Variants in ITGBL1 observed in about 807,000 individuals in gnomAD.
ITGBL1 encodes the protein integrin subunit beta like 1, also known as integrin beta-like protein 1.
In ITGBL1, 51 loss-of-function variants were observed where a neutral mutation model predicts 68.5. That is an observed-to-expected ratio of 0.74 (90% confidence interval 0.59 to 0.94). ITGBL1 has a LOEUF of 0.94. Among genes scored for constraint, ITGBL1 ranks in the 40% least tolerant of loss-of-function variants. The probability of loss-of-function intolerance (pLI) is 0.00; values close to 1 mark genes in which losing one functional copy is unlikely to be tolerated. For synonymous variants in ITGBL1, 209 were observed against 227.3 expected (o/e 0.92, Z 0.72); for missense variants, 649 against 647.4 (o/e 1.00, Z -0.03).
chr13:101,698,208 G>A (rs2034046955), intron 8 of ITGBL1, among the ~76,000 whole-genome samples: 2 of 152,160 alleles, frequency 1.3e-5, no homozygotes. Flanking sequence ...TGGCCAGAGA[G>A]TAAAATATGG....
intron 7 of ITGBL1, among the ~76,000 whole-genome samples, chr13:101,658,365 G>A (rs949659535): frequency 2.0e-4 from 30 of 152,128 alleles, no homozygotes; most frequent in African/African-American, 7.0e-4. Context: ...AAGAAAATCA[G>A]TTGAAACATT....
At chr13:101,535,357 G>A (rs2049554911) in intron 2 of ITGBL1, among the ~76,000 whole-genome samples, 1 of 152,074 alleles carries the variant, frequency 6.6e-6, no homozygotes, top group Non-Finnish European at 1.5e-5. Flanking sequence ...AGAGCTCCAG[G>A]AGGCTGTGTT....
At chr13:101,502,023 A>C (rs1424638428) in intron 2 of ITGBL1, among the ~76,000 whole-genome samples, 1 of 152,164 alleles carries the variant, frequency 6.6e-6, no homozygotes, top group Non-Finnish European at 1.5e-5. Flanking sequence ...CGTTGAAAGA[A>C]AGTGGGATAC....
At position 101,635,151 on chromosome 13, in the gene ITGBL1, C is replaced by T. The variant is rs545819759; in HGVS notation, c.1015+36852C>T. Among the ~76,000 whole-genome samples the T allele has an allele frequency of 3.9e-5, 6 of 151,926 alleles. No individual in the cohort carries two copies. In the East Asian group the frequency reaches 1.2e-3, roughly 29 times the overall value. On this transcript the variant is annotated intron_variant, in intron 7 of 10. Transcript: ENST00000376180. ...GAAGGTTTCGTATCATTCATACAGACTTTTAGAAAAAAAAATTGGTTCCCT... is the reference window on the plus strand; with the variant it reads ...GAAGGTTTCGTATCATTCATACAGATTTTTAGAAAAAAAAATTGGTTCCCT...
At chr13:101,583,172 G>C in intron 5 of ITGBL1, 44 bp from the exon 6 acceptor site, 6 of 1,590,202 alleles carry the variant, frequency 3.8e-6, no homozygotes, top group Non-Finnish European at 5.2e-6. Context: ...TTCTTTCATG[G>C]TTTTTCTTGA....
chr13:101,656,868 T>C (rs1417981837), intron 7 of ITGBL1, among the ~76,000 whole-genome samples: 23 of 152,268 alleles, frequency 1.5e-4, no homozygotes, highest in Admixed American at 1.3e-3. Flanking sequence ...CTTAAATATA[T>C]AGTCAGGCTC....
At chr13:101,707,626 G>A (rs2034290963) in intron 9 of ITGBL1, among the ~76,000 whole-genome samples, 2 of 152,092 alleles carry the variant, frequency 1.3e-5, no homozygotes, top group South Asian at 4.2e-4. Flanking sequence ...GATCACTTGA[G>A]GTCAGGAGTT....
intron 6 of ITGBL1, among the ~76,000 whole-genome samples, chr13:101,596,476 A>G (rs931771331): frequency 2.0e-5 from 3 of 152,182 alleles, no homozygotes; most frequent in African/African-American, 7.2e-5. Context: ...GGTGATGGAT[A>G]TGTTTATTAT....
At chr13:101,537,313 G>C (rs990026361) in intron 2 of ITGBL1, among the ~76,000 whole-genome samples, 8 of 151,922 alleles carry the variant, frequency 5.3e-5, no homozygotes, top group Admixed American at 5.3e-4. Context: ...ACAAATTTTG[G>C]TCAAGTAACT....
intron 7 of ITGBL1, among the ~76,000 whole-genome samples, chr13:101,608,388 T>C (rs2030973577): frequency 6.6e-6 from 1 of 151,970 alleles, no homozygotes; most frequent in Non-Finnish European, 1.5e-5. Flanking sequence ...TTTTTTCTTT[T>C]TGACCTGTGT....
chr13:101,521,817 C>T (rs1490776792), intron 2 of ITGBL1, among the ~76,000 whole-genome samples: 2 of 152,078 alleles, frequency 1.3e-5, no homozygotes, highest in Non-Finnish European at 2.9e-5. Flanking sequence ...CTTTCTTTTT[C>T]CTTACCTTTC....
intron 7 of ITGBL1, 49 bp downstream of exon 7, chr13:101,598,348 A>T: frequency 7.4e-7 from 1 of 1,355,608 alleles, no homozygotes; most frequent in South Asian, 1.8e-5. Context: ...TCACAATTCA[A>T]ATGAATTCAA....
chr13:101,558,222 A>G lies in ITGBL1; in HGVS notation c.317-9477A>G, dbSNP rs189292821. ...AAGATTTCTGATACAGCAGAAAATC[A>G]GATATTGCATGTTCTCACTTACAAG... On this transcript the variant is annotated intron_variant, in intron 2 of 10. Coordinates refer to ENST00000376180, the MANE Select transcript of ITGBL1 (RefSeq NM_004791.3). Among the ~76,000 whole-genome samples the G allele has an allele frequency of 2.0e-5, 3 of 152,200 alleles. No individual in the cohort carries two copies. The East Asian group carries it at 5.8e-4, about 29-fold the overall frequency.
intron 2 of ITGBL1, among the ~76,000 whole-genome samples, chr13:101,505,854 C>T (rs1273325252): frequency 6.6e-6 from 1 of 152,186 alleles, no homozygotes; most frequent in African/African-American, 2.4e-5. Context: ...GGCAGCTTTC[C>T]AGTTCTTCAG....
intron 2 of ITGBL1, among the ~76,000 whole-genome samples, chr13:101,471,987 AT>A (rs2048467822): frequency 7.0e-6 from 1 of 143,546 alleles, no homozygotes; most frequent in Non-Finnish European, 1.5e-5. Context: ...AATACATTTT[AT>A]TTTTATTTTA....
At chr13:101,558,345 A>AG (rs1007080140) in intron 2 of ITGBL1, among the ~76,000 whole-genome samples, 14 of 152,108 alleles carry the variant, frequency 9.2e-5, no homozygotes, top group African/African-American at 3.4e-4. Flanking sequence ...GGAGGTTGGA[A>AG]GGTTACCTTT....
chr13:101,533,601 T>C (rs1473505527), intron 2 of ITGBL1, among the ~76,000 whole-genome samples: 1 of 152,262 alleles, frequency 6.6e-6, no homozygotes, highest in Non-Finnish European at 1.5e-5. Flanking sequence ...TAAAACTTTT[T>C]GATTAGAAGT....
intron 7 of ITGBL1, among the ~76,000 whole-genome samples, chr13:101,610,901 A>G (rs1050062824): frequency 1.3e-5 from 2 of 152,206 alleles, no homozygotes; most frequent in African/African-American, 2.4e-5. Flanking sequence ...CCTAGTGGGT[A>G]TCTGCAGAGA....
At position 101,509,585 on chromosome 13, in the gene ITGBL1, CATTATT is replaced by C. The variant is rs573374938; in HGVS notation, c.316+55492_316+55497del. 4.0e-4 allele frequency among the ~76,000 whole-genome samples: 61 copies of C among 152,112 alleles called. 1 individual carries two copies. The East Asian group carries it at 0.01, about 26-fold the overall frequency. ...TTCAATATTAACCGATATTCAATAT[CATTATT>C]ATTATTGGATGATAAGGTTTGTACA... On this transcript the variant is annotated intron_variant, in intron 2 of 10. Coordinates refer to ENST00000376180, the MANE Select transcript of ITGBL1 (RefSeq NM_004791.3).
Sources: allele counts gnomAD v4.1 joint callset (sites outside exome capture counted in the v4.1 genomes callset), GRCh38; gene constraint gnomAD v4.1.1; transcripts MANE v1.5; gene names NCBI Gene and HGNC (gene_info 2026-07-23, HGNC 2026-07-21).